Variants in WWOX observed in about 807,000 individuals in gnomAD.
WWOX encodes the protein WW domain-containing oxidoreductase.
A neutral mutation model predicts 46.2 loss-of-function variants in WWOX; 69 were observed. The observed-to-expected ratio is 1.49, with a 90% confidence interval of 1.23 to 1.82. WWOX has a LOEUF of 1.82. Among genes scored for constraint, WWOX ranks in the 40% most tolerant of loss-of-function variants. The pLI is 0.00. For synonymous variants in WWOX, 359 were observed against 202.6 expected (o/e 1.77, Z -6.56); for missense variants, 919 against 542.6 (o/e 1.69, Z -6.89).
In WWOX at chr16:78,458,400, A is replaced by ATTGGC. The variant is rs537210843; in HGVS notation, c.1056+25649_1056+25653dup. Among the ~76,000 whole-genome samples the ATTGGC allele has an allele frequency of 2.0e-3, 298 of 151,844 alleles. 2 individuals are homozygous for ATTGGC. Among genetic ancestry groups the ATTGGC allele is most frequent in the African/African-American group, 7.0e-3 (290 of 41,420 alleles). ...CTCAGCCTCCCAAGTAGCTGGGACT[A>ATTGGC]TTGGCAATGCCACCATGTTCGGCTA... On this transcript the variant is annotated intron_variant, in intron 8 of 8. Coordinates refer to ENST00000566780, the MANE Select transcript of WWOX (RefSeq NM_016373.4).
chr16:78,485,329 G>A (rs1285371730), intron 8 of WWOX, among the ~76,000 whole-genome samples: 3 of 151,982 alleles, frequency 2.0e-5, no homozygotes, highest in African/African-American at 4.8e-5. Flanking sequence ...GTTCGATTTT[G>A]GCTCTGTGTT....
chr16:79,030,683 G>C (rs1209826584), intron 8 of WWOX, among the ~76,000 whole-genome samples: 2 of 152,090 alleles, frequency 1.3e-5, no homozygotes, highest in Non-Finnish European at 2.9e-5. Flanking sequence ...TTGAAATCTT[G>C]GGCTCACCGC....
At chr16:78,293,614 C>G (rs551696024) in intron 5 of WWOX, among the ~76,000 whole-genome samples, 141 of 152,176 alleles carry the variant, frequency 9.3e-4, no homozygotes, top group African/African-American at 3.4e-3. Flanking sequence ...ATCTCCATTT[C>G]AGTCTGATCC....
rs544575577 is a variant in WWOX, at chr16:78,839,969, C to T, written c.1057-371639C>T. On this transcript the variant is annotated intron_variant, in intron 8 of 8. Transcript: ENST00000566780. ...ATTAGCTAGTGACTTGAGCAAGTTGCTTCATTTTCCTGATCCTCCATTCCC... is the reference window on the plus strand; with the variant it reads ...ATTAGCTAGTGACTTGAGCAAGTTGTTTCATTTTCCTGATCCTCCATTCCC... 1.4e-4 allele frequency among the ~76,000 whole-genome samples: 21 copies of T among 152,322 alleles called. No individual in the cohort carries two copies. In the South Asian group the frequency reaches 3.7e-3, roughly 27 times the overall value.
chr16:78,642,144 T>A (rs928689194), intron 8 of WWOX, among the ~76,000 whole-genome samples: 28 of 152,204 alleles, frequency 1.8e-4, no homozygotes, highest in African/African-American at 5.8e-4. Context: ...CAAGAAAATA[T>A]ATGGCACTTT....
At chr16:78,710,139 C>G (rs539127411) in intron 8 of WWOX, among the ~76,000 whole-genome samples, 8 of 152,134 alleles carry the variant, frequency 5.3e-5, no homozygotes, top group Non-Finnish European at 1.2e-4. Flanking sequence ...ATGTCTGCCT[C>G]ATGTTGACCT....
intron 5 of WWOX, among the ~76,000 whole-genome samples, chr16:78,328,911 G>C (rs1162437914): frequency 1.3e-5 from 2 of 151,852 alleles, no homozygotes; most frequent in Non-Finnish European, 2.9e-5. Flanking sequence ...TTCCAGGCTG[G>C]AGTGCAGTGG....
chr16:78,892,442 G>C (rs142560740), intron 8 of WWOX: 90 of 152,320 alleles, frequency 5.9e-4, no homozygotes, highest in African/African-American at 2.1e-3. Context: ...TGCAAGAGAC[G>C]TTCTAGGCCT....
chr16:78,247,972 T>C (rs1324609235), intron 5 of WWOX, among the ~76,000 whole-genome samples: 1 of 152,206 alleles, frequency 6.6e-6, no homozygotes, highest in Non-Finnish European at 1.5e-5. Flanking sequence ...GGGAGTAATG[T>C]GTATATGAAT....
chr16:78,144,059 T>A (rs1380932371), intron 4 of WWOX, among the ~76,000 whole-genome samples: 1 of 152,172 alleles, frequency 6.6e-6, no homozygotes, highest in Non-Finnish European at 1.5e-5. Context: ...CCAGTCAAGA[T>A]AATAGAATAT....
chr16:78,840,573 G>A (rs1405799325), intron 8 of WWOX, among the ~76,000 whole-genome samples: 1 of 152,040 alleles, frequency 6.6e-6, no homozygotes, highest in African/African-American at 2.4e-5. Context: ...TACACAGTTT[G>A]TAAGTCTTAA....
chr16:78,357,624 T>C (rs1261585352), intron 5 of WWOX, among the ~76,000 whole-genome samples: 1 of 152,232 alleles, frequency 6.6e-6, no homozygotes, highest in Non-Finnish European at 1.5e-5. Context: ...TCATTAATGT[T>C]CAACACAGCT....
At chr16:78,665,915 C>T (rs2047321415) in intron 8 of WWOX, among the ~76,000 whole-genome samples, 1 of 151,936 alleles carries the variant, frequency 6.6e-6, no homozygotes, top group African/African-American at 2.4e-5. Flanking sequence ...GAACTCCTGA[C>T]TTCAAGTGAT....
intron 5 of WWOX, among the ~76,000 whole-genome samples, chr16:78,295,541 G>A (rs1456024389): frequency 6.6e-6 from 1 of 152,130 alleles, no homozygotes. Flanking sequence ...GTGAAACCCT[G>A]TCTCTACTAA....
intron 8 of WWOX, among the ~76,000 whole-genome samples, chr16:78,997,683 C>G (rs1437682551): frequency 6.6e-6 from 1 of 152,090 alleles, no homozygotes; most frequent in Non-Finnish European, 1.5e-5. Context: ...CCTCCCCTCC[C>G]TTCCTTTCCC....
chr16:78,985,355 A>C (rs2046763775), intron 8 of WWOX, among the ~76,000 whole-genome samples: 1 of 152,278 alleles, frequency 6.6e-6, no homozygotes, highest in East Asian at 1.9e-4. Flanking sequence ...TGTTGTCTCC[A>C]ATGTGCCTTG....
At chr16:78,972,097 T>G (rs1172494724) in intron 8 of WWOX, among the ~76,000 whole-genome samples, 2 of 152,096 alleles carry the variant, frequency 1.3e-5, no homozygotes, top group Admixed American at 6.6e-5. Context: ...CCCAGACCTC[T>G]CAGGAAAGAG....
intron 8 of WWOX, among the ~76,000 whole-genome samples, chr16:78,502,722 G>A (rs2085100537): frequency 6.6e-6 from 1 of 152,132 alleles, no homozygotes; most frequent in African/African-American, 2.4e-5. Context: ...ATGACACTGG[G>A]CAAGTGTCTT....
chr16:78,666,675 G>C lies in WWOX; in HGVS notation c.1056+233923G>C, dbSNP rs74032706. Among the ~76,000 whole-genome samples the C allele has an allele frequency of 6.1e-3, 934 of 152,326 alleles. 12 individuals are homozygous for C. The highest frequency in any genetic ancestry group is 0.022 in the African/African-American group (903 of 41,580). On this transcript the variant is annotated intron_variant, in intron 8 of 8. Coordinates refer to ENST00000566780, the MANE Select transcript of WWOX (RefSeq NM_016373.4). ...CAAGGTCATCTTGGGAAGGGCCATC[G>C]TGCAGTAAAGAGCAGGTCCATTAAT...
Sources: gnomAD v4.1 joint callset for allele counts (sites outside exome capture counted in the v4.1 genomes callset) on GRCh38, gnomAD v4.1.1 for gene constraint, MANE v1.5 for transcripts, NCBI Gene and HGNC (gene_info 2026-07-23, HGNC 2026-07-21) for gene names.